The following CTNNA3 variants were observed in gnomAD, a reference collection of about 807,000 sequenced individuals.
CTNNA3 encodes the protein catenin alpha-3.
Under a neutral mutation model 95.7 loss-of-function variants are expected in CTNNA3, and 76 were observed. The observed-to-expected ratio is 0.79, with a 90% CI of 0.66 to 0.96. The LOEUF is 0.96. CTNNA3 is among the 40% of genes least tolerant of loss of function. CTNNA3 has a pLI of 0.00. For missense variants in CTNNA3, 1,191 were observed against 1,089.8 expected, an observed-to-expected ratio of 1.09 and a Z score of -1.31; for synonymous variants, 431 against 374.4, an observed-to-expected ratio of 1.15 and a Z score of -1.74.
chr10:66,275,071 T>C (rs2091363191), intron 13 of CTNNA3, among the ~76,000 whole-genome samples: 1 of 152,144 alleles, frequency 6.6e-6, no homozygotes, highest in South Asian at 2.1e-4. Flanking sequence ...TTGAGTTTCA[T>C]TGTATCATTG....
Position 67,563,978 on chromosome 10 carries a change from A to G in CTNNA3, c.293-24309T>C, listed in dbSNP as rs570124154. On this transcript the variant is annotated intron_variant, in intron 3 of 17. Transcript: ENST00000433211. Reference sequence around the variant, plus strand: ...ACACCAGTTAGAATGGCGATCATTAAAAAGTCAGGAAACAACAGGTGCTGG... The same window carrying G: ...ACACCAGTTAGAATGGCGATCATTAGAAAGTCAGGAAACAACAGGTGCTGG... Among the ~76,000 whole-genome samples, 270 of 149,120 alleles carry G rather than the reference A, an allele frequency of 1.8e-3. 5 individuals carry two copies. The highest frequency in any genetic ancestry group is 6.5e-3 in the African/African-American group (260 of 39,718).
intron 10 of CTNNA3, among the ~76,000 whole-genome samples, chr10:66,586,716 C>T (rs1843371157): frequency 6.6e-6 from 1 of 152,058 alleles, no homozygotes; most frequent in African/African-American, 2.4e-5. Context: ...CTTCTCAAAC[C>T]TTTCATGAGC....
At chr10:66,336,026 A>C (rs1326668774) in intron 12 of CTNNA3, among the ~76,000 whole-genome samples, 1 of 152,126 alleles carries the variant, frequency 6.6e-6, no homozygotes, top group Non-Finnish European at 1.5e-5. Context: ...AGGACCCTCC[A>C]AGACAGGTGC....
intron 1 of CTNNA3, among the ~76,000 whole-genome samples, chr10:67,656,408 G>C: frequency 6.6e-6 from 1 of 152,282 alleles, no homozygotes; most frequent in East Asian, 1.9e-4. Context: ...TGTGAGATCA[G>C]ACGTATCCCT....
chr10:66,152,652 T>C (rs2084265555), intron 13 of CTNNA3, among the ~76,000 whole-genome samples: 1 of 151,956 alleles, frequency 6.6e-6, no homozygotes, highest in South Asian at 2.1e-4. Context: ...TTCAAAATGC[T>C]GTGCAAACTA....
Position 67,702,707 on chromosome 10 carries a change from A to G in CTNNA3, c.-1-55193T>C, listed in dbSNP as rs187994647. 3.7e-4 allele frequency among the ~76,000 whole-genome samples: 57 copies of G among 152,326 alleles called. 1 individual carries two copies. In the East Asian group the frequency reaches 9.4e-3, roughly 25 times the overall value. ...TCAAAATTGACAACCTAACATCACAATTAAAAGAACTAGAAAAGCAAGACC... is the reference window on the plus strand; with the variant it reads ...TCAAAATTGACAACCTAACATCACAGTTAAAAGAACTAGAAAAGCAAGACC... On this transcript the variant is annotated intron_variant, in intron 1 of 17. Coordinates refer to the CTNNA3 transcript ENST00000684154.
chr10:67,472,949 AC>A (rs1184148111), intron 5 of CTNNA3, among the ~76,000 whole-genome samples: 2 of 152,066 alleles, frequency 1.3e-5, no homozygotes, highest in East Asian at 3.9e-4. Context: ...TTCCCCTTTT[AC>A]CTTTCTCCAT....
chr10:66,421,259 A>G (rs2093190731), intron 11 of CTNNA3, among the ~76,000 whole-genome samples: 1 of 152,180 alleles, frequency 6.6e-6, no homozygotes, highest in Non-Finnish European at 1.5e-5. Flanking sequence ...GGGAAGGTTG[A>G]CTGGGTTGGT....
chr10:66,859,918 A>C (rs1175896196), intron 7 of CTNNA3, among the ~76,000 whole-genome samples: 3 of 132,812 alleles, frequency 2.3e-5, no homozygotes, highest in African/African-American at 8.7e-5. Context: ...TCGCAAGGAC[A>C]AAAAACCAAA....
chr10:67,127,203 C>A (rs1859759579), intron 7 of CTNNA3, among the ~76,000 whole-genome samples: 1 of 152,042 alleles, frequency 6.6e-6, no homozygotes, highest in African/African-American at 2.4e-5. Flanking sequence ...AGATTCTATC[C>A]TATCTAGTTC....
chr10:66,031,324 T>C (rs1317250679), intron 15 of CTNNA3, among the ~76,000 whole-genome samples: 1 of 152,178 alleles, frequency 6.6e-6, no homozygotes, highest in Non-Finnish European at 1.5e-5. Context: ...AAACAATGGA[T>C]TGGATGAAGA....
At chr10:67,416,944 GTA>G (rs1189238335) in intron 5 of CTNNA3, among the ~76,000 whole-genome samples, 1 of 152,088 alleles carries the variant, frequency 6.6e-6, no homozygotes, top group Non-Finnish European at 1.5e-5. Flanking sequence ...CCACTACTGG[GTA>G]TATATGCAAA....
intron 13 of CTNNA3, among the ~76,000 whole-genome samples, chr10:66,239,028 T>C (rs1208787327): frequency 1.3e-5 from 2 of 151,798 alleles, no homozygotes; most frequent in African/African-American, 4.8e-5. Context: ...TACAGGGTTA[T>C]ATATGACAGC....
intron 12 of CTNNA3, among the ~76,000 whole-genome samples, chr10:66,289,653 C>G (rs2091646755): frequency 6.6e-6 from 1 of 151,926 alleles, no homozygotes; most frequent in Non-Finnish European, 1.5e-5. Context: ...CTATTTAAGG[C>G]AACTGAAGTA....
intron 15 of CTNNA3, among the ~76,000 whole-genome samples, chr10:66,059,942 T>G (rs901436136): frequency 7.2e-5 from 11 of 152,080 alleles, no homozygotes; most frequent in Admixed American, 1.3e-4. Context: ...TTTAATAATA[T>G]TCACACTAAA....
At chr10:67,589,133 G>A (rs573392104) in intron 3 of CTNNA3, among the ~76,000 whole-genome samples, 9 of 152,204 alleles carry the variant, frequency 5.9e-5, no homozygotes, top group African/African-American at 2.2e-4. Context: ...GTATTCATAT[G>A]AGGGAGATTC....
At chr10:66,976,101 C>A (rs10997461) in intron 7 of CTNNA3, among the ~76,000 whole-genome samples, 68,445 of 151,950 alleles carry the variant, frequency 0.45, 16,237 homozygotes, top group East Asian at 0.6. Flanking sequence ...GTGCTAGTAG[C>A]TTTGTATTAA....
chr10:65,978,468 T>A (rs1357207586), intron 16 of CTNNA3, among the ~76,000 whole-genome samples: 1 of 145,632 alleles, frequency 6.9e-6, no homozygotes, highest in Non-Finnish European at 1.5e-5. Context: ...GTTCTCAGCT[T>A]TTGTTCCTGA....
intron 11 of CTNNA3, among the ~76,000 whole-genome samples, chr10:66,486,735 A>T (rs1172826574): frequency 6.6e-6 from 1 of 152,112 alleles, no homozygotes; most frequent in Non-Finnish European, 1.5e-5. Flanking sequence ...GAGAAATCTG[A>T]ACTCCCATGC....
Sources: gnomAD v4.1 joint callset for allele counts (sites outside exome capture counted in the v4.1 genomes callset) on GRCh38, gnomAD v4.1.1 for gene constraint, MANE v1.5 for transcripts, NCBI Gene and HGNC (gene_info 2026-07-23, HGNC 2026-07-21) for gene names.